The following SIMC1 variants were observed in gnomAD, a reference collection of about 807,000 sequenced individuals.
SIMC1 encodes SUMO interacting motifs containing 1.
In SIMC1, 55 loss-of-function variants were observed where a neutral mutation model predicts 82.3. That is an observed-to-expected ratio of 0.67 (90% CI 0.54 to 0.84). The LOEUF (loss-of-function observed/expected upper bound fraction) is 0.84. SIMC1 is among the 40% of genes least tolerant of loss of function. The pLI, the probability that SIMC1 is intolerant of heterozygous loss-of-function variation, is 0.00. For synonymous variants in SIMC1, 353 were observed against 426.3 expected (o/e 0.83, Z 2.12); for missense variants, 915 against 1,107.2 (o/e 0.83, Z 2.46).
At chr5:176,314,193 G>T (rs1164694036) in intron 5 of SIMC1, among the ~76,000 whole-genome samples, 1 of 152,208 alleles carries the variant, frequency 6.6e-6, no homozygotes, top group Non-Finnish European at 1.5e-5. Context: ...CTTGAACCCA[G>T]GAGGCAGAGG....
chr5:176,292,180 G>C (rs533424190), intron 2 of SIMC1, among the ~76,000 whole-genome samples: 2 of 152,224 alleles, frequency 1.3e-5, no homozygotes, highest in African/African-American at 4.8e-5. Context: ...ATTATTACTT[G>C]CTGACTTTGG....
intron 1 of SIMC1, among the ~76,000 whole-genome samples, chr5:176,284,433 A>G (rs533610484): frequency 4.9e-4 from 74 of 152,268 alleles, no homozygotes; most frequent in African/African-American, 1.8e-3. Flanking sequence ...ACTGGGGTAC[A>G]TAATGAAATG....
chr5:176,312,255 G>A (rs1328518015), intron 4 of SIMC1, among the ~76,000 whole-genome samples: 1 of 152,160 alleles, frequency 6.6e-6, no homozygotes, highest in East Asian at 1.9e-4. Context: ...CTAGCACAAG[G>A]CCAGGCGCAG....
chr5:176,285,694 A>G (rs953006162), intron 1 of SIMC1, among the ~76,000 whole-genome samples: 2 of 152,128 alleles, frequency 1.3e-5, no homozygotes, highest in African/African-American at 2.4e-5. Flanking sequence ...GAGGAAGTCA[A>G]ATTGTCCCTG....
intron 4 of SIMC1, among the ~76,000 whole-genome samples, chr5:176,298,571 G>A (rs1763916750): frequency 6.6e-6 from 1 of 152,190 alleles, no homozygotes; most frequent in Non-Finnish European, 1.5e-5. Flanking sequence ...GTTGCAGTGA[G>A]CCAAAATCAT....
rs779569302 is a variant in SIMC1 at position 176,289,965 on chromosome 5, A to T, written c.441A>T (p.Thr147=). The T allele has an allele frequency of 6.2e-7, 1 of 1,613,700 alleles. No homozygotes were observed. Among genetic ancestry groups the T allele is most frequent in the African/African-American group, 1.3e-5 (1 of 74,868 alleles). The change falls in exon 2 of 10, where the codon ACA becomes ACT. Residue 147 remains threonine, a synonymous_variant. Transcript: ENST00000429602. Reference sequence around the variant, plus strand: ...CCTTTGTAGGTCCCCCACCCGCTACATCCATCAGTGGAGGCTCTGTTTATC... The same window carrying T: ...CCTTTGTAGGTCCCCCACCCGCTACTTCCATCAGTGGAGGCTCTGTTTATC... ...ENTFVGPPPA[T]SISGGSVYPT...
chr5:176,241,803 A>G (rs1581209120), intron 1 of SIMC1, among the ~76,000 whole-genome samples: 1 of 151,434 alleles, frequency 6.6e-6, no homozygotes, highest in African/African-American at 2.4e-5. Flanking sequence ...TTACAGTACT[A>G]TACTGCATTT....
At chr5:176,319,417 C>A (rs539850774) in intron 5 of SIMC1, among the ~76,000 whole-genome samples, 1 of 152,012 alleles carries the variant, frequency 6.6e-6, no homozygotes, top group Admixed American at 6.6e-5. Flanking sequence ...GCCTGTAGTC[C>A]CAGCTACTGG....
In SIMC1 at chr5:176,313,706, G is replaced by T; in HGVS notation, c.1750G>T (p.Gly584Trp). Residue 584 changes from glycine to tryptophan, a missense_variant, in exon 5 of 10, where the codon GGG (glycine) becomes TGG (tryptophan). Physicochemically the swap from Gly to Trp is radical, Grantham distance 184. Coordinates refer to ENST00000429602, the MANE Select transcript of SIMC1 (RefSeq NM_001308195.2). ...VMEEEGQTLP[G>W]RVLFLRYVVQ... ...TTTCCCACAGGGACAAACTCTGCCT[G>T]GGCGAGTCCTTTTCCTGCGTTATGT... The T allele has an allele frequency of 6.2e-7, 1 of 1,613,860 alleles. No homozygotes were observed.
rs181350495 is a variant in SIMC1, at chr5:176,322,504, A to G, written c.2042+79A>G. 1.8e-5 allele frequency: 26 copies of G among 1,420,858 alleles called. No individual in the cohort carries two copies. The African/African-American group carries it at 3.7e-4, about 20-fold the overall frequency. 88.0% of individuals were successfully genotyped at this position (1,420,858 alleles called of 1,614,324 possible). A position where few individuals can be genotyped will look rare whatever the true frequency, so the allele number is the denominator to read the frequency against. On this transcript the variant is annotated intron_variant, in intron 6 of 9. Coordinates refer to ENST00000429602, the MANE Select transcript of SIMC1 (RefSeq NM_001308195.2). ...GAGAACAACACCAATCCCTAAGAGC[A>G]GCTTCCCCCAAATTAACAAGATCTT...
chr5:176,343,867 C>G (rs758814138), intron 9 of SIMC1, among the ~76,000 whole-genome samples: 14 of 152,026 alleles, frequency 9.2e-5, no homozygotes, highest in Non-Finnish European at 1.8e-4. Context: ...GATCTTGGCT[C>G]ACTACAACCT....
chr5:176,286,994 G>A (rs145558590), intron 1 of SIMC1, among the ~76,000 whole-genome samples: 1,890 of 152,310 alleles, frequency 0.012, 18 homozygotes, highest in Middle Eastern at 0.048. Context: ...TGCTTGAGAG[G>A]ATGTGAAGAA....
intron 9 of SIMC1, among the ~76,000 whole-genome samples, chr5:176,339,293 G>C (rs1224797163): frequency 6.6e-6 from 1 of 152,158 alleles, no homozygotes; most frequent in Non-Finnish European, 1.5e-5. Flanking sequence ...GAACCCGGGA[G>C]GTGGAGGTTG....
chr5:176,291,126 A>C (rs1763541375), intron 2 of SIMC1, among the ~76,000 whole-genome samples, 171 bp downstream of exon 2: 1 of 135,892 alleles, frequency 7.4e-6, no homozygotes, highest in African/African-American at 2.7e-5. Flanking sequence ...CTGGGTTCAA[A>C]TTTTAGCCCC....
chr5:176,252,258 G>C (rs1319857084), intron 1 of SIMC1, among the ~76,000 whole-genome samples: 2 of 151,558 alleles, frequency 1.3e-5, no homozygotes, highest in Admixed American at 1.3e-4. Flanking sequence ...CTGGCTAGGC[G>C]GGGGCTGACC....
chr5:176,245,266 G>C (rs1378856285), intron 1 of SIMC1, among the ~76,000 whole-genome samples: 13 of 152,162 alleles, frequency 8.5e-5, no homozygotes, highest in African/African-American at 3.1e-4. Flanking sequence ...GGGGAAGAAC[G>C]CCATGTGACA....
chr5:176,294,745 G>A (rs1331806983), intron 2 of SIMC1, among the ~76,000 whole-genome samples: 11 of 151,550 alleles, frequency 7.3e-5, no homozygotes, highest in Non-Finnish European at 1.6e-4. Context: ...GGCAAATCAC[G>A]AGGTCAGGAG....
chr5:176,288,657 A>T (rs2560193), intron 1 of SIMC1, among the ~76,000 whole-genome samples: 1 of 152,104 alleles, frequency 6.6e-6, no homozygotes, highest in Non-Finnish European at 1.5e-5. Context: ...CAGGATGCCA[A>T]CTTCTCACTT....
At chr5:176,311,162 C>T (rs1284117964) in intron 4 of SIMC1, among the ~76,000 whole-genome samples, 1 of 152,126 alleles carries the variant, frequency 6.6e-6, no homozygotes, top group Non-Finnish European at 1.5e-5. Flanking sequence ...GTTTGCACAA[C>T]TCAGTAGGTT....
Sources: allele counts gnomAD v4.1 joint callset (sites outside exome capture counted in the v4.1 genomes callset), GRCh38; gene constraint gnomAD v4.1.1; transcripts MANE v1.5; gene names NCBI Gene and HGNC (gene_info 2026-07-23, HGNC 2026-07-21).